Variants in UBE4B observed in about 807,000 individuals in gnomAD.
UBE4B encodes ubiquitin conjugation factor E4 B.
UBE4B carries 27 observed loss-of-function variants against 148.1 expected under a neutral mutation model. The ratio of observed to expected loss-of-function variants is 0.18; its 90% confidence interval spans 0.13 to 0.25. UBE4B has a LOEUF of 0.25. UBE4B is among the 10% of genes least tolerant of loss of function. The probability of loss-of-function intolerance (pLI) is 1.00; values close to 1 mark genes in which losing one functional copy is unlikely to be tolerated. For missense variants in UBE4B, 1,170 were observed against 1,662.4 expected, an observed-to-expected ratio of 0.70 and a Z score of 5.15; for synonymous variants, 596 against 619.3, an observed-to-expected ratio of 0.96 and a Z score of 0.56.
chr1:10,177,417 G>A (rs1646444251), intron 25 of UBE4B, among the ~76,000 whole-genome samples: 1 of 152,150 alleles, frequency 6.6e-6, no homozygotes, highest in Non-Finnish European at 1.5e-5. Context: ...AGCTACTCAG[G>A]AGGTGGAGGC....
At chr1:10,101,825 C>T (rs1645017552) in intron 4 of UBE4B, among the ~76,000 whole-genome samples, 1 of 151,994 alleles carries the variant, frequency 6.6e-6, no homozygotes, top group Non-Finnish European at 1.5e-5. Context: ...TGCTTTTAAG[C>T]AAGTAGATCA....
intron 1 of UBE4B, among the ~76,000 whole-genome samples, chr1:10,064,562 G>T (rs1470816882): frequency 2.0e-5 from 3 of 152,144 alleles, no homozygotes; most frequent in Admixed American, 2.0e-4. Context: ...TCCAGGTGCT[G>T]CCAGGGCTTC....
chr1:10,033,911 T>C (rs2101755556), intron 1 of UBE4B, among the ~76,000 whole-genome samples: 1 of 152,336 alleles, frequency 6.6e-6, no homozygotes, highest in African/African-American at 2.4e-5. Flanking sequence ...TTTGCTTCTT[T>C]CCGAGTGTTC....
chr1:10,076,465 A>ATCC (rs1644583807), intron 2 of UBE4B, among the ~76,000 whole-genome samples: 1 of 151,926 alleles, frequency 6.6e-6, no homozygotes, highest in Non-Finnish European at 1.5e-5. Context: ...GCTGGTCTCG[A>ATCC]ACTCCTGACC....
intron 22 of UBE4B, 71 bp downstream of exon 22, chr1:10,158,553 A>G (rs1646110329): frequency 1.9e-6 from 3 of 1,567,736 alleles, no homozygotes; most frequent in African/African-American, 1.4e-5. Context: ...GCTTAAAAGC[A>G]TGCACAGCTG....
At chr1:10,119,746 C>T (rs1645380421) in intron 9 of UBE4B, 133 bp downstream of exon 9, 2 of 652,536 alleles carry the variant, frequency 3.1e-6, no homozygotes, top group Non-Finnish European at 5.2e-6. Context: ...AGGTCCCTTT[C>T]CTTCGCTAAA....
chr1:10,086,800 G>C (rs183197475), intron 2 of UBE4B, among the ~76,000 whole-genome samples: 206 of 151,606 alleles, frequency 1.4e-3, no homozygotes, highest in Admixed American at 2.4e-3. Flanking sequence ...AGCAATTCTC[G>C]TGCCTCAGCC....
intron 9 of UBE4B, among the ~76,000 whole-genome samples, chr1:10,120,825 A>C (rs1000226587): frequency 6.6e-6 from 1 of 151,812 alleles, no homozygotes; most frequent in East Asian, 1.9e-4. Context: ...GCAACAGAGC[A>C]AGACTGTCTC....
Position 10,106,703 on chromosome 1 carries a change from C to T in UBE4B, c.1196+120C>T. ...TTAAATTGTTGTTTTGGGTTATTAA[C>T]CTGTGTGGCTAACTAGTTTGGTAGG... is the stretch of plus-strand genomic sequence containing the variant. On this transcript the variant is annotated intron_variant, in intron 7 of 27. Transcript: ENST00000343090. The surrounding 1 kb of genome is among the most constrained non-coding windows in gnomAD (Gnocchi z 4.2). 7.6e-7 allele frequency: 1 copy of T among 1,315,438 alleles called. No homozygotes were observed. Among genetic ancestry groups the T allele is most frequent in the South Asian group, 1.7e-5 (1 of 59,742 alleles). The allele number at this position is 1,315,438 out of a possible 1,614,324, so 81.5% of individuals were successfully genotyped here.
At chr1:10,157,291 G>T (rs1013781791) in intron 21 of UBE4B, among the ~76,000 whole-genome samples, 1 of 152,096 alleles carries the variant, frequency 6.6e-6, no homozygotes, top group Admixed American at 6.5e-5. Context: ...AAAGTGCTGG[G>T]ATTATAGGCG....
chr1:10,171,179 T>G lies in UBE4B; in HGVS notation c.3375T>G (p.Leu1125=), dbSNP rs772667961. 6.2e-7 allele frequency: 1 copy of G among 1,614,198 alleles called. No individual in the cohort carries two copies. ...PRLAAMLNFN[L]QQLCGPKCRD... ...TGGCTGCAATGCTGAACTTTAATCT[T>G]CAGCAACTTTGTGGCCCCAAGTGCC... The change falls in exon 25 of 28, where the codon CTT becomes CTG. Residue 1125 remains leucine, a synonymous_variant. Transcript: ENST00000343090.
chr1:10,087,921 A>G (rs1415074061), intron 2 of UBE4B, among the ~76,000 whole-genome samples: 2 of 152,136 alleles, frequency 1.3e-5, no homozygotes, highest in South Asian at 2.1e-4. Flanking sequence ...TATGTATTTA[A>G]TCTCTTAGAT....
chr1:10,154,383 T>A (rs1044412483), intron 21 of UBE4B, among the ~76,000 whole-genome samples: 3 of 151,676 alleles, frequency 2.0e-5, no homozygotes, highest in Admixed American at 6.6e-5. Context: ...TAAAAAAATT[T>A]TAAAAAAAAA....
chr1:10,037,035 AT>A (rs1643565335), intron 1 of UBE4B, among the ~76,000 whole-genome samples: 1 of 151,962 alleles, frequency 6.6e-6, no homozygotes, highest in Non-Finnish European at 1.5e-5. Context: ...TGCTTTTTAA[AT>A]TTTTTTGTGA....
At chr1:10,175,895 T>C (rs1314807499) in intron 25 of UBE4B, among the ~76,000 whole-genome samples, 2 of 152,174 alleles carry the variant, frequency 1.3e-5, no homozygotes, top group Non-Finnish European at 2.9e-5. Flanking sequence ...TTGTGGCATG[T>C]AGTACAGTCA....
intron 1 of UBE4B, among the ~76,000 whole-genome samples, chr1:10,035,494 T>A (rs1475320264): frequency 1.4e-5 from 2 of 144,726 alleles, no homozygotes; most frequent in African/African-American, 5.2e-5. Flanking sequence ...CCTCCCGGGT[T>A]CACGCCATTC....
chr1:10,111,683 G>A (rs116148775), intron 7 of UBE4B, among the ~76,000 whole-genome samples: 2,639 of 152,230 alleles, frequency 0.017, 34 homozygotes, highest in Non-Finnish European at 0.027. Context: ...AAGGCCAGGC[G>A]CGGTGGCTCA....
chr1:10,039,522 C>T (rs965211954), intron 1 of UBE4B, among the ~76,000 whole-genome samples: 14 of 151,786 alleles, frequency 9.2e-5, no homozygotes, highest in Admixed American at 2.6e-4. Flanking sequence ...CTCTGGTTCC[C>T]GGGTTCAAGT....
At position 10,181,103 on chromosome 1, in the gene UBE4B, A is replaced by G. The variant is rs1646497179; in HGVS notation, c.*1147A>G. ...AAAAAAAAAAAAAGGATTTGAAACC[A>G]TAAAGTGTTCTGAAGAAATTAAGTC... On this transcript the variant is annotated 3_prime_UTR_variant, in exon 28 of 28. Transcript: ENST00000343090. 1 of 152,196 alleles carries G rather than the reference A, an allele frequency of 6.6e-6. No homozygotes were observed. Among genetic ancestry groups the G allele is most frequent in the Non-Finnish European group, 1.5e-5 (1 of 67,988 alleles). 9.4% of individuals were successfully genotyped at this position (152,196 alleles called of 1,614,324 possible).
Sources: allele counts gnomAD v4.1 joint callset (sites outside exome capture counted in the v4.1 genomes callset), GRCh38; gene constraint gnomAD v4.1.1; non-coding constraint Gnocchi (gnomAD v3.1); transcripts MANE v1.5; gene names NCBI Gene and HGNC (gene_info 2026-07-23, HGNC 2026-07-21).